CNTNAP2: variants seen among roughly 807,000 people sequenced by gnomAD.
CNTNAP2 encodes contactin associated protein 2, also known as contactin-associated protein-like 2.
Under a neutral mutation model 155.2 loss-of-function variants are expected in CNTNAP2, and 98 were observed. The observed-to-expected ratio is 0.63, with a 90% CI of 0.54 to 0.75. The LOEUF is 0.75. Among genes scored for constraint, CNTNAP2 ranks in the 30% least tolerant of loss-of-function variants. The pLI, the probability that CNTNAP2 is intolerant of heterozygous loss-of-function variation, is 0.00. For missense variants in CNTNAP2, 1,727 were observed against 1,688.1 expected, an observed-to-expected ratio of 1.02 and a Z score of -0.40; for synonymous variants, 651 against 631.2, an observed-to-expected ratio of 1.03 and a Z score of -0.47.
chr7:148,417,174 G>A lies in CNTNAP2; in HGVS notation c.*1558G>A, dbSNP rs990827916. The stretch of plus-strand genomic sequence containing the variant: ...CTTTGCCTGGGAGAGGTTAAGAGGA[G>A]GTTTCGAAGGTATAGATGCTATTGT... On this transcript the variant is annotated 3_prime_UTR_variant, in exon 24 of 24. Transcript: ENST00000361727. The A allele has an allele frequency of 4.6e-5, 7 of 152,174 alleles. No individual in the cohort carries two copies. The highest frequency in any genetic ancestry group is 9.7e-5 in the African/African-American group (4 of 41,442). 9.4% of individuals were successfully genotyped at this position (152,174 alleles called of 1,614,324 possible). A position where few individuals can be genotyped will look rare whatever the true frequency, so the allele number is the denominator to read the frequency against.
chr7:147,100,014 T>A (rs1450789730), intron 4 of CNTNAP2, among the ~76,000 whole-genome samples: 1 of 152,202 alleles, frequency 6.6e-6, no homozygotes, highest in Non-Finnish European at 1.5e-5. Context: ...CATTATTGGA[T>A]ATATGAGAGT....
At chr7:146,397,857 C>CA (rs1190288486) in intron 1 of CNTNAP2, among the ~76,000 whole-genome samples, 2 of 147,814 alleles carry the variant, frequency 1.4e-5, no homozygotes, top group South Asian at 2.1e-4. Flanking sequence ...TTTTGTATAC[C>CA]AAAATTTGAC....
intron 16 of CNTNAP2, among the ~76,000 whole-genome samples, chr7:148,129,741 G>C (rs929158316): frequency 6.6e-6 from 1 of 152,212 alleles, no homozygotes. Flanking sequence ...AAACAAGAAG[G>C]TTGAACAAGA....
At chr7:147,343,960 A>T (rs539102175) in intron 9 of CNTNAP2, among the ~76,000 whole-genome samples, 2 of 152,242 alleles carry the variant, frequency 1.3e-5, no homozygotes, top group Non-Finnish European at 2.9e-5. Flanking sequence ...ATTACCTATT[A>T]CCTGCCAGGC....
chr7:147,432,056 C>G (rs939590463), intron 10 of CNTNAP2, among the ~76,000 whole-genome samples: 3 of 152,166 alleles, frequency 2.0e-5, no homozygotes, highest in African/African-American at 7.2e-5. Flanking sequence ...CCCTTGTTTT[C>G]TGTGTAGGAA....
At chr7:146,513,725 C>T (rs956043063) in intron 1 of CNTNAP2, among the ~76,000 whole-genome samples, 1 of 151,956 alleles carries the variant, frequency 6.6e-6, no homozygotes, top group African/African-American at 2.4e-5. Context: ...TTTCACATTG[C>T]AATGACAGTG....
chr7:147,537,755 A>T (rs1019993389), intron 11 of CNTNAP2, among the ~76,000 whole-genome samples: 1 of 152,210 alleles, frequency 6.6e-6, no homozygotes, highest in Non-Finnish European at 1.5e-5. Flanking sequence ...CCTTCATATA[A>T]CAAGGGTCCA....
chr7:146,933,237 G>T (rs1478112882), intron 3 of CNTNAP2, among the ~76,000 whole-genome samples: 1 of 151,950 alleles, frequency 6.6e-6, no homozygotes, highest in Non-Finnish European at 1.5e-5. Context: ...TACCAAAATA[G>T]AGATATAGAT....
chr7:147,816,263 T>G (rs938882540), intron 13 of CNTNAP2, among the ~76,000 whole-genome samples: 3 of 152,116 alleles, frequency 2.0e-5, no homozygotes, highest in African/African-American at 7.2e-5. Context: ...TACACAGGTG[T>G]TACTGAGCTG....
chr7:148,257,998 C>T (rs1354624430), intron 20 of CNTNAP2, among the ~76,000 whole-genome samples: 1 of 152,152 alleles, frequency 6.6e-6, no homozygotes, highest in Non-Finnish European at 1.5e-5. Context: ...CCAGTGCTGA[C>T]CCATTTAACA....
At chr7:147,373,702 T>G (rs1796386545) in intron 9 of CNTNAP2, among the ~76,000 whole-genome samples, 1 of 152,064 alleles carries the variant, frequency 6.6e-6, no homozygotes, top group Admixed American at 6.6e-5. Flanking sequence ...AATTTAGTAG[T>G]GTTTGTATGA....
intron 1 of CNTNAP2, among the ~76,000 whole-genome samples, chr7:146,537,167 T>C (rs1563125223): frequency 1.3e-5 from 2 of 152,124 alleles, no homozygotes; most frequent in Non-Finnish European, 2.9e-5. Flanking sequence ...TTCTGAAATA[T>C]ACATGACAAT....
intron 21 of CNTNAP2, among the ~76,000 whole-genome samples, chr7:148,346,773 T>TAAAAAAA (rs71188973): frequency 1.8e-3 from 271 of 147,014 alleles, no homozygotes; most frequent in African/African-American, 6.5e-3. Flanking sequence ...ACTCCATCTT[T>TAAAAAAA]AAAAAAAAAA....
intron 1 of CNTNAP2, among the ~76,000 whole-genome samples, chr7:146,542,599 C>T (rs943378257): frequency 4.6e-5 from 7 of 151,598 alleles, no homozygotes; most frequent in Non-Finnish European, 7.4e-5. Context: ...TTTAGAGACC[C>T]CCCCTTACTT....
intron 13 of CNTNAP2, among the ~76,000 whole-genome samples, chr7:147,752,009 G>A (rs1223615273): frequency 1.1e-4 from 16 of 152,120 alleles, no homozygotes; most frequent in Admixed American, 9.8e-4. Flanking sequence ...TTAGCAATAT[G>A]TCATCCACAG....
intron 1 of CNTNAP2, among the ~76,000 whole-genome samples, chr7:146,259,048 C>G (rs1393237678): frequency 3.3e-5 from 5 of 152,074 alleles, no homozygotes; most frequent in African/African-American, 1.2e-4. Context: ...AGGGAGTTCT[C>G]ATGAAATCTG....
chr7:147,336,061 G>A (rs998955773), intron 9 of CNTNAP2, among the ~76,000 whole-genome samples: 5 of 152,136 alleles, frequency 3.3e-5, no homozygotes, highest in African/African-American at 2.4e-5. Flanking sequence ...ATTAGGTAGA[G>A]TCAAAGAGAA....
At chr7:148,259,849 A>C (rs181860008) in intron 20 of CNTNAP2, among the ~76,000 whole-genome samples, 1 of 152,368 alleles carries the variant, frequency 6.6e-6, no homozygotes, top group Non-Finnish European at 1.5e-5. Context: ...TAATGGCTTC[A>C]TGGCAAATGT....
chr7:147,847,863 G>A (rs1798838163), intron 13 of CNTNAP2, among the ~76,000 whole-genome samples: 1 of 106,528 alleles, frequency 9.4e-6, no homozygotes, highest in Admixed American at 1.1e-4. Context: ...GCCGTGTGAG[G>A]TGTCAGTGTG....
Sources: gnomAD v4.1 joint callset for allele counts (sites outside exome capture counted in the v4.1 genomes callset) on GRCh38, gnomAD v4.1.1 for gene constraint, MANE v1.5 for transcripts, NCBI Gene and HGNC (gene_info 2026-07-23, HGNC 2026-07-21) for gene names.